FMNL2: variants seen among roughly 807,000 people sequenced by gnomAD.
FMNL2 encodes formin like 2.
FMNL2 carries 51 observed loss-of-function variants against 130.2 expected under a neutral mutation model. The observed-to-expected ratio is 0.39, with a 90% CI of 0.31 to 0.49. The LOEUF (loss-of-function observed/expected upper bound fraction) is 0.49. Ranked by LOEUF, FMNL2 falls within the 20% of genes least tolerant of loss-of-function variation. The pLI is 0.85. For synonymous variants in FMNL2, 465 were observed against 467.1 expected, an observed-to-expected ratio of 1.00 and a Z score of 0.06; for missense variants, 977 against 1,316.2, an observed-to-expected ratio of 0.74 and a Z score of 3.99.
intron 1 of FMNL2, among the ~76,000 whole-genome samples, chr2:152,455,826 C>T (rs1688920001): frequency 6.6e-6 from 1 of 152,202 alleles, no homozygotes; most frequent in Non-Finnish European, 1.5e-5. Context: ...GTGATCCTCC[C>T]ACCTCAGCCC....
At chr2:152,513,378 A>G (rs10931150) in intron 1 of FMNL2, among the ~76,000 whole-genome samples, 85,851 of 152,076 alleles carry the variant, frequency 0.56, 25,315 homozygotes, top group Admixed American at 0.66. Flanking sequence ...TAGAGTCACC[A>G]TGCTGTACAT....
At chr2:152,502,718 A>G (rs1691916106) in intron 1 of FMNL2, among the ~76,000 whole-genome samples, 1 of 152,194 alleles carries the variant, frequency 6.6e-6, no homozygotes, top group African/African-American at 2.4e-5. Flanking sequence ...AAACAACAAA[A>G]TAAGTACCAT....
At chr2:152,527,757 C>G (rs183917768) in intron 2 of FMNL2, among the ~76,000 whole-genome samples, 34 of 152,138 alleles carry the variant, frequency 2.2e-4, no homozygotes, top group Admixed American at 2.2e-3. Flanking sequence ...ATGGGAATCC[C>G]TTGGTGCTGG....
At chr2:152,626,179 G>A (rs990075164) in intron 16 of FMNL2, among the ~76,000 whole-genome samples, 11 of 152,098 alleles carry the variant, frequency 7.2e-5, no homozygotes, top group Admixed American at 4.6e-4. Context: ...TGAGATTACA[G>A]GCACACACTA....
At position 152,639,966 on chromosome 2, in the gene FMNL2, A is replaced by G. The variant is rs368095588; in HGVS notation, c.2955A>G (p.Glu985=). 3 of 1,555,142 alleles carry G rather than the reference A, an allele frequency of 1.9e-6. No individual in the cohort carries two copies. The highest frequency in any genetic ancestry group is 2.6e-6 in the Non-Finnish European group (3 of 1,150,526). Residue 985 remains glutamate, a synonymous_variant, in exon 24 of 26, where the codon GAA becomes GAG. Coordinates refer to ENST00000288670, the MANE Select transcript of FMNL2 (RefSeq NM_052905.4). ...VRFVKAYKQA[E]EENELRKKQE... The stretch of plus-strand genomic sequence containing the variant: ...TCTTTTGATTTACCCAGCAAGCAGA[A>G]GAGGAAAATGAGCTGAGGAAAAAGC...
At chr2:152,424,114 C>G (rs184643808) in intron 1 of FMNL2, among the ~76,000 whole-genome samples, 1 of 152,260 alleles carries the variant, frequency 6.6e-6, no homozygotes, top group African/African-American at 2.4e-5. Flanking sequence ...TGGAAGATAG[C>G]AACCATGATA....
rs1683782690 is a variant in FMNL2, at chr2:152,648,147, C to G, written c.*242C>G. The stretch of plus-strand genomic sequence containing the variant: ...AATAGGATTTGATTTGATTAGGTAT[C>G]TTTTTACACCAGTATGTTATTTTTA... On this transcript the variant is annotated 3_prime_UTR_variant, in exon 26 of 26. Coordinates refer to ENST00000288670, the MANE Select transcript of FMNL2 (RefSeq NM_052905.4). 2.2e-6 allele frequency: 1 copy of G among 445,116 alleles called. No homozygotes were observed. Among genetic ancestry groups the G allele is most frequent in the Non-Finnish European group, 4.0e-6 (1 of 252,632 alleles). 27.6% of individuals were successfully genotyped at this position (445,116 alleles called of 1,614,324 possible).
intron 9 of FMNL2, among the ~76,000 whole-genome samples, chr2:152,583,233 G>T (rs752331239): frequency 4.6e-5 from 7 of 152,190 alleles, no homozygotes; most frequent in Non-Finnish European, 7.3e-5. Flanking sequence ...AATCAGGAGT[G>T]ATGGTAGGTC....
At chr2:152,443,699 C>T (rs557944224) in intron 1 of FMNL2, among the ~76,000 whole-genome samples, 123 of 151,928 alleles carry the variant, frequency 8.1e-4, no homozygotes, top group African/African-American at 2.6e-3. Context: ...AAAAGTTAGC[C>T]GGGCGTGGTG....
intron 1 of FMNL2, among the ~76,000 whole-genome samples, chr2:152,478,246 ATATATTTT>A (rs1038635431): frequency 3.0e-5 from 2 of 67,696 alleles, no homozygotes; most frequent in African/African-American, 4.7e-5. Flanking sequence ...ATATATATAT[ATATATTTT>A]TTTTTTTTTT....
chr2:152,353,068 T>C (rs1020099351), intron 1 of FMNL2, among the ~76,000 whole-genome samples: 4 of 152,222 alleles, frequency 2.6e-5, no homozygotes, highest in Admixed American at 2.0e-4. Context: ...TGAATTTTAT[T>C]TTCCCTTTTG....
intron 1 of FMNL2, among the ~76,000 whole-genome samples, chr2:152,469,481 C>G (rs1689736483): frequency 6.6e-6 from 1 of 152,138 alleles, no homozygotes. Context: ...TGTTTGCACC[C>G]ACAGCTGCAC....
At chr2:152,392,746 C>T (rs1006165492) in intron 1 of FMNL2, among the ~76,000 whole-genome samples, 1 of 152,292 alleles carries the variant, frequency 6.6e-6, no homozygotes, top group African/African-American at 2.4e-5. Context: ...ACATTCAAAC[C>T]ATAACACCCC....
intron 1 of FMNL2, among the ~76,000 whole-genome samples, chr2:152,338,834 C>CACACACACACACAT (rs71309010): frequency 0.35 from 52,770 of 150,186 alleles, 11,681 homozygotes; most frequent in Non-Finnish European, 0.5. Flanking sequence ...CACACACACA[C>CACACACACACACAT]ACACACACAC....
rs1298759923 is a variant in FMNL2, at chr2:152,629,433, C to T, written c.2401-223C>T. Among the ~76,000 whole-genome samples the T allele has an allele frequency of 2.0e-5, 3 of 152,088 alleles. No individual in the cohort carries two copies. The East Asian group carries it at 5.8e-4, about 29-fold the overall frequency. On this transcript the variant is annotated intron_variant, in intron 18 of 25. Coordinates refer to ENST00000288670, the MANE Select transcript of FMNL2 (RefSeq NM_052905.4). The stretch of plus-strand genomic sequence containing the variant: ...GATAAGCAAGTTCCTATGTTACTTG[C>T]TATTGTGAACAGTTTCAGTAAAGAT...
At chr2:152,630,336 T>A (rs1322350565) in intron 20 of FMNL2, among the ~76,000 whole-genome samples, 1 of 152,234 alleles carries the variant, frequency 6.6e-6, no homozygotes, top group East Asian at 1.9e-4. Context: ...GAATCTCAGC[T>A]AAGTAAACTA....
chr2:152,560,607 T>G (rs1476891445), intron 5 of FMNL2, among the ~76,000 whole-genome samples: 1 of 152,238 alleles, frequency 6.6e-6, no homozygotes, highest in East Asian at 1.9e-4. Flanking sequence ...TAGCAAGCCT[T>G]ATAAAATAAA....
At chr2:152,607,287 T>C (rs978054582) in intron 9 of FMNL2, 52 bp from the exon 10 acceptor site, 3 of 1,447,712 alleles carry the variant, frequency 2.1e-6, no homozygotes, top group African/African-American at 2.8e-5. Context: ...CATCTAATTT[T>C]GGAATGTTTA....
Position 152,349,056 on chromosome 2 carries a change from C to T in FMNL2, c.117+13336C>T, listed in dbSNP as rs984305267. Among the ~76,000 whole-genome samples, 3 of 125,782 alleles carry T rather than the reference C, an allele frequency of 2.4e-5. 1 individual carries two copies. The highest frequency in any genetic ancestry group is 9.9e-5 in the African/African-American group (3 of 30,162). 82.5% of individuals were successfully genotyped at this position (125,782 alleles called of 152,430 possible). ...TTCACCTTGTTAGCCAGGATGGTCT[C>T]GATCTCCTGACCTCATGATCCACCC... On this transcript the variant is annotated intron_variant, in intron 1 of 25. Transcript: ENST00000288670.
Sources: allele counts gnomAD v4.1 joint callset (sites outside exome capture counted in the v4.1 genomes callset), GRCh38; gene constraint gnomAD v4.1.1; transcripts MANE v1.5; gene names NCBI Gene and HGNC (gene_info 2026-07-23, HGNC 2026-07-21).